The following RXRA variants were observed in gnomAD, a reference collection of about 807,000 sequenced individuals.
The protein encoded by RXRA is retinoic acid receptor RXR-alpha.
RXRA carries 5 observed loss-of-function variants against 44.5 expected under a neutral mutation model. The ratio of observed to expected loss-of-function variants is 0.11; its 90% CI spans 0.06 to 0.24. The LOEUF is 0.24. RXRA is among the 10% of genes least tolerant of loss of function. The probability of loss-of-function intolerance (pLI) is 1.00; values close to 1 mark genes in which losing one functional copy is unlikely to be tolerated. For synonymous variants in RXRA, 291 were observed against 271.4 expected (o/e 1.07, Z -0.71); for missense variants, 412 against 646.5 (o/e 0.64, Z 3.93).
chr9:134,346,050 G>A (rs1383152695), intron 1 of RXRA, among the ~76,000 whole-genome samples: 1 of 152,202 alleles, frequency 6.6e-6, no homozygotes. Context: ...GGCCATTTCT[G>A]GGGGGTGGGG....
At chr9:134,328,329 G>C (rs554878383) in intron 1 of RXRA, among the ~76,000 whole-genome samples, 1 of 152,296 alleles carries the variant, frequency 6.6e-6, no homozygotes, top group South Asian at 2.1e-4. Flanking sequence ...GGGTGGGACA[G>C]GGATAGTCCA....
chr9:134,377,453 A>G (rs185708616), intron 1 of RXRA, among the ~76,000 whole-genome samples: 126 of 151,862 alleles, frequency 8.3e-4, no homozygotes, highest in Non-Finnish European at 1.0e-3. Context: ...CCTCCTTAGA[A>G]CTCAGCCCTG....
At chr9:134,434,440 G>A (rs567174354) in intron 9 of RXRA, among the ~76,000 whole-genome samples, 5 of 152,248 alleles carry the variant, frequency 3.3e-5, no homozygotes, top group South Asian at 2.1e-4. Context: ...TGCACCTGGC[G>A]CATAGTAGGT....
intron 6 of RXRA, among the ~76,000 whole-genome samples, chr9:134,427,982 G>A (rs1831461963): frequency 6.6e-6 from 1 of 152,188 alleles, no homozygotes; most frequent in Non-Finnish European, 1.5e-5. Context: ...ACAGCAGTGC[G>A]TGTGTGCGCG....
chr9:134,338,532 C>T lies in RXRA; in HGVS notation c.28+11873C>T, dbSNP rs116627939. On this transcript the variant is annotated intron_variant, in intron 1 of 9. Coordinates refer to ENST00000481739, the MANE Select transcript of RXRA (RefSeq NM_002957.6). ...GCTGGCTGGGAGAGGCGTGTCCCCA[C>T]GTGCGTCTGGCCGCAGTCAGTGGCC... Among the ~76,000 whole-genome samples the T allele has an allele frequency of 7.2e-3, 1,104 of 152,324 alleles. 10 individuals carry two copies. Among genetic ancestry groups the T allele is most frequent in the African/African-American group, 0.025 (1,029 of 41,582 alleles).
chr9:134,363,660 G>A (rs564423862), intron 1 of RXRA, among the ~76,000 whole-genome samples: 18 of 152,340 alleles, frequency 1.2e-4, no homozygotes, highest in South Asian at 1.0e-3. Flanking sequence ...GTGCGGCACC[G>A]GGTGTGGCTG....
intron 4 of RXRA, among the ~76,000 whole-genome samples, chr9:134,410,315 G>A (rs1831127554): frequency 6.6e-6 from 1 of 152,234 alleles, no homozygotes; most frequent in Admixed American, 6.5e-5. Flanking sequence ...TTCATGGAGT[G>A]CTGACGTTTG....
At chr9:134,422,995 A>G in intron 6 of RXRA, 13 of 985,060 alleles carry the variant, frequency 1.3e-5, no homozygotes, top group Non-Finnish European at 1.6e-5. Flanking sequence ...CGCGCATCAC[A>G]CTCCCCGTGA....
At chr9:134,378,559 CT>C (rs1830593733) in intron 1 of RXRA, among the ~76,000 whole-genome samples, 2 of 152,242 alleles carry the variant, frequency 1.3e-5, no homozygotes, top group African/African-American at 4.8e-5. Context: ...GCTGTGGCCC[CT>C]GTCACCTGTC....
chr9:134,397,230 C>T (rs576322263), intron 1 of RXRA, among the ~76,000 whole-genome samples: 4 of 152,304 alleles, frequency 2.6e-5, no homozygotes, highest in Non-Finnish European at 5.9e-5. Context: ...TGAGTGGTGC[C>T]TGCATACACC....
Position 134,426,709 on chromosome 9 carries a change from G to A in RXRA, c.911-2399G>A. ...TCAGGGGCTCTCGGGGCAGTGGGAG[G>A]GGAGGTGGCCACTGCTCAGGTAAAC... is the stretch of plus-strand genomic sequence containing the variant. On this transcript the variant is annotated intron_variant, in intron 6 of 9. Coordinates refer to ENST00000481739, the MANE Select transcript of RXRA (RefSeq NM_002957.6). This position sits in a 1 kb window ranked among gnomAD's most constrained non-coding sequence, Gnocchi z 4.6. 1.0e-6 allele frequency: 1 copy of A among 985,402 alleles called. No individual in the cohort carries two copies. The highest frequency in any genetic ancestry group is 1.2e-6 in the Non-Finnish European group (1 of 829,916). The allele number at this position is 985,402 out of a possible 1,614,324, so 61.0% of individuals were successfully genotyped here. A position where few individuals can be genotyped will look rare whatever the true frequency, so the allele number is the denominator to read the frequency against.
At chr9:134,427,659 C>T (rs1794124604) in intron 6 of RXRA, among the ~76,000 whole-genome samples, 1 of 152,194 alleles carries the variant, frequency 6.6e-6, no homozygotes, top group Non-Finnish European at 1.5e-5. Flanking sequence ...GGGACGGTGA[C>T]ACCTGCCCCC....
chr9:134,373,839 A>G (rs1830519478), intron 1 of RXRA, among the ~76,000 whole-genome samples: 1 of 152,226 alleles, frequency 6.6e-6, no homozygotes, highest in African/African-American at 2.4e-5. Flanking sequence ...AATTTATTTT[A>G]ATTAAAAATT....
In RXRA at chr9:134,407,186, G is replaced by A. The variant is rs912847768; in HGVS notation, c.280-963G>A. On this transcript the variant is annotated intron_variant, in intron 2 of 9. Coordinates refer to ENST00000481739, the MANE Select transcript of RXRA (RefSeq NM_002957.6). This position sits in a 1 kb window ranked among gnomAD's most constrained non-coding sequence, Gnocchi z 4.8. ...AGGTCCATGTGAAAGGAGGCTTTGC[G>A]GTGGTTTCTGCTTTGCTTGCATTGA... Among the ~76,000 whole-genome samples the A allele has an allele frequency of 3.9e-5, 6 of 152,258 alleles. No individual in the cohort carries two copies. Among genetic ancestry groups the A allele is most frequent in the African/African-American group, 9.6e-5 (4 of 41,464 alleles).
At chr9:134,373,082 T>C (rs537702068) in intron 1 of RXRA, among the ~76,000 whole-genome samples, 24 of 152,118 alleles carry the variant, frequency 1.6e-4, no homozygotes, top group Admixed American at 7.8e-4. Context: ...CAGTCCGTTA[T>C]GGATGAGGAA....
At chr9:134,394,997 CTT>C (rs1431230137) in intron 1 of RXRA, among the ~76,000 whole-genome samples, 1 of 152,228 alleles carries the variant, frequency 6.6e-6, no homozygotes, top group Non-Finnish European at 1.5e-5. Flanking sequence ...TTGAGGGTCT[CTT>C]GGTCACGTGG....
At chr9:134,351,537 C>G (rs11185659) in intron 1 of RXRA, among the ~76,000 whole-genome samples, 1 of 152,174 alleles carries the variant, frequency 6.6e-6, no homozygotes, top group Non-Finnish European at 1.5e-5. Flanking sequence ...AATCCCTTCC[C>G]TGGCCTGTGA....
intron 1 of RXRA, among the ~76,000 whole-genome samples, 175 bp downstream of exon 1, chr9:134,326,834 G>A (rs1251915893): frequency 7.0e-6 from 1 of 143,874 alleles, no homozygotes; most frequent in Non-Finnish European, 1.5e-5. Flanking sequence ...GGTCGACCCG[G>A]GGCAACTTTT....
At chr9:134,422,554 A>T in intron 6 of RXRA, 3 of 1,200,408 alleles carry the variant, frequency 2.5e-6, no homozygotes, top group Non-Finnish European at 3.2e-6. Context: ...CCCTCCTGGG[A>T]CAGTCCCCAC....
Sources: allele counts gnomAD v4.1 joint callset (sites outside exome capture counted in the v4.1 genomes callset), GRCh38; gene constraint gnomAD v4.1.1; non-coding constraint Gnocchi (gnomAD v3.1); transcripts MANE v1.5; gene names NCBI Gene and HGNC (gene_info 2026-07-23, HGNC 2026-07-21).